ARID4B: variants seen among roughly 807,000 people sequenced by gnomAD.
ARID4B encodes the protein AT-rich interactive domain-containing protein 4B.
In ARID4B, 26 loss-of-function variants were observed where a neutral mutation model predicts 147.5. The observed-to-expected ratio is 0.18, with a 90% CI of 0.13 to 0.24. The LOEUF is 0.24. Ranked by LOEUF, ARID4B falls within the 10% of genes least tolerant of loss-of-function variation. The pLI, the probability that ARID4B is intolerant of heterozygous loss-of-function variation, is 1.00. For synonymous variants in ARID4B, 512 were observed against 507.9 expected, an observed-to-expected ratio of 1.01 and a Z score of -0.11; for missense variants, 1,179 against 1,511.5, an observed-to-expected ratio of 0.78 and a Z score of 3.65.
intron 2 of ARID4B, among the ~76,000 whole-genome samples, chr1:235,267,859 G>C (rs369881693): frequency 1.4e-4 from 22 of 151,756 alleles, no homozygotes; most frequent in African/African-American, 5.3e-4. Context: ...AGCCGAGATC[G>C]AGTCACTGCA....
At chr1:235,255,091 G>C (rs1202985496) in intron 5 of ARID4B, among the ~76,000 whole-genome samples, 3 of 151,666 alleles carry the variant, frequency 2.0e-5, no homozygotes, top group Non-Finnish European at 3.0e-5. Context: ...TACCTAATTA[G>C]GTAAAAAAGA....
intron 11 of ARID4B, among the ~76,000 whole-genome samples, chr1:235,227,627 G>C (rs931799439): frequency 5.3e-5 from 8 of 151,896 alleles, no homozygotes; most frequent in African/African-American, 1.9e-4. Context: ...TAACTTTTAC[G>C]AGGCTGTTCA....
At chr1:235,192,985 C>G (rs1571938562) in intron 19 of ARID4B, among the ~76,000 whole-genome samples, 1 of 151,796 alleles carries the variant, frequency 6.6e-6, no homozygotes, top group Non-Finnish European at 1.5e-5. Context: ...CCCAGCTACT[C>G]AGGAAGCTGA....
chr1:235,242,063 A>C (rs368292412), intron 7 of ARID4B, among the ~76,000 whole-genome samples: 2 of 151,628 alleles, frequency 1.3e-5, no homozygotes, highest in South Asian at 2.1e-4. Context: ...GCCTGGCCAA[A>C]ATGGTGAAAC....
chr1:235,234,421 A>G lies in ARID4B; in HGVS notation c.657T>C (p.Asp219=), dbSNP rs1348136078. Residue 219 remains aspartate (D), a synonymous_variant, in exon 9 of 24, where the codon GAT becomes GAC. Transcript: ENST00000264183. The part of the protein sequence containing the change: ...KDNILVRSFK[D]GKFTSVPRKD... ...AAGTAAATTATACTTACAATTTTCCATCTTTGAAAGATCGAACAAGAATAT... is the reference window on the plus strand; with the variant it reads ...AAGTAAATTATACTTACAATTTTCCGTCTTTGAAAGATCGAACAAGAATAT... 5.6e-6 allele frequency: 9 copies of G among 1,597,138 alleles called. No individual in the cohort carries two copies. Among genetic ancestry groups the G allele is most frequent in the Non-Finnish European group, 7.7e-6 (9 of 1,166,878 alleles).
intron 9 of ARID4B, 35 bp from the exon 10 acceptor site, chr1:235,231,224 A>C (rs1668210747): frequency 8.3e-7 from 1 of 1,210,170 alleles, no homozygotes; most frequent in Non-Finnish European, 1.2e-6. Context: ...AGAAGAAAAA[A>C]AACCCAAAAT....
chr1:235,318,627 A>G (rs2103299453), intron 2 of ARID4B, among the ~76,000 whole-genome samples: 1 of 152,292 alleles, frequency 6.6e-6, no homozygotes, highest in South Asian at 2.1e-4. Context: ...GAATCTTGTA[A>G]TCCCAGCACT....
intron 8 of ARID4B, among the ~76,000 whole-genome samples, chr1:235,237,304 A>G (rs754159675): frequency 6.6e-6 from 1 of 152,170 alleles, no homozygotes; most frequent in East Asian, 1.9e-4. Context: ...TAACCCTGCT[A>G]ATACTCAGTT....
At chr1:235,301,038 CTTTTT>C (rs780839339) in intron 2 of ARID4B, among the ~76,000 whole-genome samples, 1 of 112,282 alleles carries the variant, frequency 8.9e-6, no homozygotes, top group Non-Finnish European at 1.8e-5. Flanking sequence ...TTTAAGTATT[CTTTTT>C]TTTTTTTTTT....
intron 17 of ARID4B, among the ~76,000 whole-genome samples, chr1:235,201,159 T>C (rs973072084): frequency 6.6e-6 from 1 of 151,370 alleles, no homozygotes; most frequent in African/African-American, 2.4e-5. Flanking sequence ...AAAAATAAAA[T>C]AAATAAAAAT....
At chr1:235,231,473 A>C (rs1668229546) in intron 9 of ARID4B, among the ~76,000 whole-genome samples, 1 of 152,082 alleles carries the variant, frequency 6.6e-6, no homozygotes, top group South Asian at 2.1e-4. Flanking sequence ...GCAACACTGA[A>C]AACTTTTTTT....
chr1:235,260,085 T>G (rs1670205678), intron 3 of ARID4B, among the ~76,000 whole-genome samples: 1 of 152,194 alleles, frequency 6.6e-6, no homozygotes, highest in African/African-American at 2.4e-5. Flanking sequence ...ATTACACTCC[T>G]TTTTCTATAT....
intron 11 of ARID4B, chr1:235,229,014 T>C: frequency 2.0e-6 from 1 of 509,608 alleles, no homozygotes; most frequent in Non-Finnish European, 3.3e-6. Context: ...TTGAGGTTAT[T>C]AGGAAAATCA....
chr1:235,204,519 GGTATA>G (rs1358667714), intron 17 of ARID4B, among the ~76,000 whole-genome samples: 1 of 152,042 alleles, frequency 6.6e-6, no homozygotes, highest in East Asian at 1.9e-4. Flanking sequence ...TCAACGGAAT[GGTATA>G]GTAATTATAT....
intron 2 of ARID4B, among the ~76,000 whole-genome samples, chr1:235,295,193 A>T (rs1230006237): frequency 6.6e-6 from 1 of 152,134 alleles, no homozygotes; most frequent in East Asian, 1.9e-4. Context: ...GTTGTTAGGA[A>T]CCAACATTTT....
At chr1:235,207,866 T>G (rs1666424172) in intron 17 of ARID4B, among the ~76,000 whole-genome samples, 1 of 152,252 alleles carries the variant, frequency 6.6e-6, no homozygotes, top group African/African-American at 2.4e-5. Flanking sequence ...ATTTTTTAAA[T>G]GTAACACATT....
intron 6 of ARID4B, among the ~76,000 whole-genome samples, chr1:235,247,995 T>C (rs1259846394): frequency 6.6e-6 from 1 of 151,982 alleles, no homozygotes; most frequent in Non-Finnish European, 1.5e-5. Context: ...TCTCAAAAAA[T>C]AAAAATAAAA....
At chr1:235,230,441 C>CAAAACAAAACA (rs1668128842) in intron 10 of ARID4B, among the ~76,000 whole-genome samples, 1 of 100,310 alleles carries the variant, frequency 1.0e-5, no homozygotes, top group Admixed American at 9.8e-5. Context: ...CAAAACAAAA[C>CAAAACAAAACA]AAAAAAAACA....
intron 2 of ARID4B, among the ~76,000 whole-genome samples, chr1:235,273,570 T>C (rs35191737): frequency 6.5e-4 from 99 of 152,334 alleles, no homozygotes; most frequent in Non-Finnish European, 1.3e-3. Flanking sequence ...TCAGAGATGT[T>C]AAAATGTAGA....
Sources: allele counts gnomAD v4.1 joint callset (sites outside exome capture counted in the v4.1 genomes callset), GRCh38; gene constraint gnomAD v4.1.1; transcripts MANE v1.5; gene names NCBI Gene and HGNC (gene_info 2026-07-23, HGNC 2026-07-21).